EVI5: variants seen among roughly 807,000 people sequenced by gnomAD.
EVI5 encodes the protein ecotropic viral integration site 5.
EVI5 carries 73 observed loss-of-function variants against 112.0 expected under a neutral mutation model. That is an observed-to-expected ratio of 0.65 (90% CI 0.54 to 0.79). The LOEUF (loss-of-function observed/expected upper bound fraction) is 0.79. EVI5 is among the 30% of genes least tolerant of loss of function. The pLI is 0.00. For missense variants in EVI5, 900 were observed against 968.8 expected (o/e 0.93, Z 0.94); for synonymous variants, 305 against 319.9 (o/e 0.95, Z 0.50).
At chr1:92,762,355 GACA>G (rs528366545) in intron 1 of EVI5, among the ~76,000 whole-genome samples, 173 of 152,246 alleles carry the variant, frequency 1.1e-3, no homozygotes, top group African/African-American at 4.0e-3. Flanking sequence ...CAGGCACTGT[GACA>G]AGACTTTAGA....
intron 13 of EVI5, among the ~76,000 whole-genome samples, chr1:92,648,528 C>A (rs572370387): frequency 2.0e-5 from 3 of 152,116 alleles, no homozygotes; most frequent in Non-Finnish European, 4.4e-5. Flanking sequence ...TAAGCAGTTT[C>A]TTATCTTTCC....
At chr1:92,704,975 T>C (rs1294425039) in intron 2 of EVI5, among the ~76,000 whole-genome samples, 1 of 152,208 alleles carries the variant, frequency 6.6e-6, no homozygotes, top group African/African-American at 2.4e-5. Context: ...TTAAAAATTT[T>C]TGAGCTACTA....
At chr1:92,716,729 G>C (rs145559061) in intron 2 of EVI5, among the ~76,000 whole-genome samples, 1 of 151,922 alleles carries the variant, frequency 6.6e-6, no homozygotes, top group Non-Finnish European at 1.5e-5. Flanking sequence ...CCTGAAAAAA[G>C]ATTAGACGAA....
chr1:92,566,613 T>C (rs56307974), intron 18 of EVI5, among the ~76,000 whole-genome samples: 19,408 of 152,060 alleles, frequency 0.13, 1,435 homozygotes, highest in Middle Eastern at 0.19. Flanking sequence ...ACAAGAAAAA[T>C]TAACTGTAAG....
At chr1:92,668,701 C>A (rs181493619) in intron 10 of EVI5, among the ~76,000 whole-genome samples, 324 of 152,288 alleles carry the variant, frequency 2.1e-3, no homozygotes, top group African/African-American at 7.4e-3. Flanking sequence ...ACCACTTCCT[C>A]ATTTGTATAA....
intron 14 of EVI5, among the ~76,000 whole-genome samples, chr1:92,627,066 A>G (rs1029330049): frequency 1.3e-5 from 2 of 152,116 alleles, no homozygotes. Flanking sequence ...TGGTTACATG[A>G]GTAAGTTCTT....
At chr1:92,547,803 G>A (rs1156636578) in intron 19 of EVI5, among the ~76,000 whole-genome samples, 2 of 152,224 alleles carry the variant, frequency 1.3e-5, no homozygotes, top group African/African-American at 2.4e-5. Context: ...TCAGGAAGAA[G>A]TTGAATCTCT....
intron 16 of EVI5, chr1:92,622,393 T>C (rs1286903045): frequency 5.1e-6 from 2 of 394,376 alleles, no homozygotes; most frequent in Non-Finnish European, 1.0e-5. Flanking sequence ...AGAACCTTTG[T>C]ACTTAAGAAA....
chr1:92,562,854 T>C (rs1037049981), intron 19 of EVI5, among the ~76,000 whole-genome samples: 1 of 152,204 alleles, frequency 6.6e-6, no homozygotes, highest in Non-Finnish European at 1.5e-5. Context: ...GGTCAAAATT[T>C]CTCTTTCTTC....
At chr1:92,774,702 A>C (rs1683878296) in intron 1 of EVI5, among the ~76,000 whole-genome samples, 1 of 152,214 alleles carries the variant, frequency 6.6e-6, no homozygotes, top group Non-Finnish European at 1.5e-5. Flanking sequence ...AGTTTAACTA[A>C]CTTTAGGGAA....
At chr1:92,631,805 T>C (rs1571995284) in intron 14 of EVI5, among the ~76,000 whole-genome samples, 2 of 152,218 alleles carry the variant, frequency 1.3e-5, no homozygotes, top group African/African-American at 2.4e-5. Context: ...CAGTATGATA[T>C]TGGCTGTGGG....
intron 1 of EVI5, among the ~76,000 whole-genome samples, chr1:92,744,639 CACACACAG>C (rs1679000040): frequency 1.4e-5 from 2 of 143,086 alleles, no homozygotes; most frequent in African/African-American, 5.1e-5. Context: ...CACACACACA[CACACACAG>C]AGGACGGCAG....
intron 15 of EVI5, 78 bp downstream of exon 15, chr1:92,625,716 A>G: frequency 8.0e-7 from 1 of 1,243,142 alleles, no homozygotes; most frequent in Non-Finnish European, 1.2e-6. Context: ...ATAGGTCATC[A>G]GGTACTTCAA....
At chr1:92,549,676 A>C (rs1381513150) in intron 19 of EVI5, among the ~76,000 whole-genome samples, 8 of 152,102 alleles carry the variant, frequency 5.3e-5, no homozygotes, top group Non-Finnish European at 1.0e-4. Flanking sequence ...ACCCCATCAA[A>C]AAGTGGGCAA....
intron 1 of EVI5, among the ~76,000 whole-genome samples, chr1:92,739,819 T>G (rs1261340210): frequency 6.6e-6 from 1 of 152,168 alleles, no homozygotes; most frequent in Admixed American, 6.5e-5. Context: ...TCCTGAATCA[T>G]ACTGTGAAAC....
At chr1:92,643,304 T>C (rs1557980709) in intron 13 of EVI5, among the ~76,000 whole-genome samples, 1 of 151,082 alleles carries the variant, frequency 6.6e-6, no homozygotes, top group South Asian at 2.1e-4. Context: ...TTTTTTTTTT[T>C]TTTTTTTTTT....
chr1:92,581,849 T>C (rs945937819), intron 18 of EVI5, among the ~76,000 whole-genome samples: 2 of 152,214 alleles, frequency 1.3e-5, no homozygotes, highest in African/African-American at 2.4e-5. Flanking sequence ...TCTTATGGCA[T>C]AGAAGGTCAA....
At chr1:92,585,928 T>C (rs931057690) in intron 18 of EVI5, among the ~76,000 whole-genome samples, 2 of 152,136 alleles carry the variant, frequency 1.3e-5, no homozygotes, top group African/African-American at 4.8e-5. Context: ...TAGGTTCCTT[T>C]TGGCTGTGAC....
rs1280270297 is a variant in EVI5, at chr1:92,707,902, T to G, written c.150-3158A>C. 2.6e-5 allele frequency among the ~76,000 whole-genome samples: 4 copies of G among 152,260 alleles called. No individual in the cohort carries two copies. In the East Asian group the frequency reaches 7.7e-4, roughly 29 times the overall value. ...CAAATTGTGGTACATTCATTCAGTG[T>G]GATACTACTCAGCAATAAAAAGAAA... On this transcript the variant is annotated intron_variant, in intron 2 of 19. Transcript: ENST00000684568.
Sources: gnomAD v4.1 joint callset for allele counts (sites outside exome capture counted in the v4.1 genomes callset) on GRCh38, gnomAD v4.1.1 for gene constraint, MANE v1.5 for transcripts, NCBI Gene and HGNC (gene_info 2026-07-23, HGNC 2026-07-21) for gene names.